Variants in PCDHA9 observed in about 807,000 individuals in gnomAD.
PCDHA9 encodes protocadherin alpha-9.
A neutral mutation model predicts 62.0 loss-of-function variants in PCDHA9; 62 were observed. The observed-to-expected ratio is 1.00, with a 90% CI of 0.81 to 1.23. The LOEUF (loss-of-function observed/expected upper bound fraction) is 1.23, where lower values mean the gene tolerates loss of function less well. PCDHA9 is among the 50% of genes most tolerant of loss of function. PCDHA9 has a pLI of 0.00. For synonymous variants in PCDHA9, 557 were observed against 567.6 expected, an observed-to-expected ratio of 0.98 and a Z score of 0.27; for missense variants, 1,205 against 1,249.8, an observed-to-expected ratio of 0.96 and a Z score of 0.54.
intron 1 of PCDHA9, among the ~76,000 whole-genome samples, chr5:140,901,260 T>C (rs1554189701): frequency 6.6e-6 from 1 of 152,308 alleles, no homozygotes; most frequent in East Asian, 1.9e-4. Flanking sequence ...CCTGTGATTG[T>C]GGGGTATTAC....
chr5:140,997,834 C>T (rs1385482729), intron 3 of PCDHA9, among the ~76,000 whole-genome samples: 2 of 152,106 alleles, frequency 1.3e-5, no homozygotes, highest in Non-Finnish European at 2.9e-5. Context: ...CTAAACAATA[C>T]AATATACATT....
intron 1 of PCDHA9, among the ~76,000 whole-genome samples, chr5:140,898,000 T>G (rs1420296585): frequency 6.6e-5 from 10 of 152,348 alleles, no homozygotes; most frequent in African/African-American, 2.4e-4. Flanking sequence ...TTGAGAAGTG[T>G]CTGTTCATAT....
chr5:140,988,558 T>C lies in PCDHA9; in HGVS notation c.2542+5995T>C, dbSNP rs982984587. ...CCATTCATGACTTTCTTCATCTTCT[T>C]CTTGGGAAAACACTCTGTACCTTCC... On this transcript the variant is annotated intron_variant, in intron 3 of 3. Transcript: ENST00000532602. 3.9e-5 allele frequency among the ~76,000 whole-genome samples: 6 copies of C among 152,198 alleles called. 1 individual carries two copies. Among genetic ancestry groups the C allele is most frequent in the Admixed American group, 3.9e-4 (6 of 15,276 alleles).
chr5:140,867,131 T>A (rs769857763), intron 1 of PCDHA9: 12 of 152,188 alleles, frequency 7.9e-5, no homozygotes, highest in African/African-American at 2.9e-4. Context: ...TTCAAATATG[T>A]GATATTATCA....
intron 1 of PCDHA9, among the ~76,000 whole-genome samples, chr5:140,951,795 C>T (rs2094636851): frequency 6.6e-6 from 1 of 152,166 alleles, no homozygotes; most frequent in African/African-American, 2.4e-5. Context: ...ACAATTATCC[C>T]TTCCCAATGG....
At chr5:140,858,255 C>G in intron 1 of PCDHA9, 10 of 1,596,962 alleles carry the variant, frequency 6.3e-6, no homozygotes, top group Middle Eastern at 1.7e-4. Flanking sequence ...GTGAAGCCCA[C>G]GCTGGTGTGC....
intron 1 of PCDHA9, chr5:140,869,622 TA>T: frequency 6.2e-7 from 1 of 1,613,790 alleles, no homozygotes; most frequent in Non-Finnish European, 8.5e-7. Context: ...ACAGGCTAAG[TA>T]AAAATGAGTA....
At chr5:140,866,158 A>G (rs560063709) in intron 1 of PCDHA9, 1 of 152,270 alleles carries the variant, frequency 6.6e-6, no homozygotes, top group East Asian at 1.9e-4. Context: ...ATAAGTAAGA[A>G]TCGTTTAACA....
intron 1 of PCDHA9, among the ~76,000 whole-genome samples, chr5:140,940,027 G>A (rs1554213088): frequency 6.6e-6 from 1 of 152,058 alleles, no homozygotes; most frequent in Non-Finnish European, 1.5e-5. Context: ...TATGTTTTAA[G>A]GCTATTTTAT....
intron 1 of PCDHA9, among the ~76,000 whole-genome samples, chr5:140,903,156 T>G (rs1287323901): frequency 6.6e-6 from 1 of 152,232 alleles, no homozygotes; most frequent in Non-Finnish European, 1.5e-5. Flanking sequence ...CCATAGTGGT[T>G]GTGCTGGTTT....
At chr5:140,932,039 CAT>C (rs2087970987) in intron 1 of PCDHA9, among the ~76,000 whole-genome samples, 1 of 151,816 alleles carries the variant, frequency 6.6e-6, no homozygotes, top group South Asian at 2.1e-4. Context: ...TATATATTAA[CAT>C]AGCCTGTAAT....
At chr5:140,924,188 T>A (rs2081715328) in intron 1 of PCDHA9, among the ~76,000 whole-genome samples, 1 of 152,146 alleles carries the variant, frequency 6.6e-6, no homozygotes, top group African/African-American at 2.4e-5. Flanking sequence ...AGAAAATTAG[T>A]TTTGGTTTAG....
At chr5:140,963,220 G>A (rs2095749091) in intron 1 of PCDHA9, among the ~76,000 whole-genome samples, 2 of 152,122 alleles carry the variant, frequency 1.3e-5, no homozygotes, top group East Asian at 1.9e-4. Flanking sequence ...CGTGTTTAGA[G>A]TAGACACTGT....
chr5:140,941,241 T>TTCTTTCTTTCTTTCTTTCTTTCTC (rs1585048929), intron 1 of PCDHA9, among the ~76,000 whole-genome samples: 1 of 140,458 alleles, frequency 7.1e-6, no homozygotes, highest in East Asian at 2.0e-4. Flanking sequence ...CTTTCTTTCT[T>TTCTTTCTTTCTTTCTTTCTTTCTC]TCTTTCTTTC....
intron 1 of PCDHA9, chr5:140,927,469 C>T (rs17844359): frequency 6.2e-7 from 1 of 1,614,082 alleles, no homozygotes; most frequent in Non-Finnish European, 8.5e-7. Context: ...AGCACTGGAT[C>T]GCGAACAGCG....
chr5:140,925,836 C>G (rs2082758211), intron 1 of PCDHA9, among the ~76,000 whole-genome samples: 1 of 152,104 alleles, frequency 6.6e-6, no homozygotes, highest in African/African-American at 2.4e-5. Context: ...GACGGGTCGT[C>G]AAGTCTTTGA....
chr5:140,857,394 A>G, intron 1 of PCDHA9: 1 of 1,598,398 alleles, frequency 6.3e-7, no homozygotes, highest in Non-Finnish European at 8.6e-7. Flanking sequence ...GACGTGAACG[A>G]CAACGCGCCT....
intron 1 of PCDHA9, among the ~76,000 whole-genome samples, chr5:140,879,152 A>C (rs1369330748): frequency 6.6e-6 from 1 of 152,210 alleles, no homozygotes; most frequent in African/African-American, 2.4e-5. Context: ...CAGGAAAGCT[A>C]TTTCTTTTTT....
chr5:141,008,718 T>C (rs2098388409), intron 3 of PCDHA9, among the ~76,000 whole-genome samples: 1 of 152,230 alleles, frequency 6.6e-6, no homozygotes, highest in Non-Finnish European at 1.5e-5. Context: ...TGCTTGAGTG[T>C]ATGTCCAACT....
Sources: allele counts gnomAD v4.1 joint callset (sites outside exome capture counted in the v4.1 genomes callset), GRCh38; gene constraint gnomAD v4.1.1; transcripts MANE v1.5; gene names NCBI Gene and HGNC (gene_info 2026-07-23, HGNC 2026-07-21).